Variants in SMIM26 observed in about 807,000 individuals in gnomAD.
The protein encoded by SMIM26 is small integral membrane protein 26, also known as long intergenic non-protein coding RNA 493.
In SMIM26, 2 loss-of-function variants were observed where a neutral mutation model predicts 2.5. The observed-to-expected ratio is 0.80, with a 90% CI of 0.33 to 2.53. The LOEUF (loss-of-function observed/expected upper bound fraction) is 2.53, where lower values mean the gene tolerates loss of function less well. Ranked by LOEUF, SMIM26 falls within the 30% of genes most tolerant of loss-of-function variation. The pLI is 0.11. For synonymous variants in SMIM26, 32 were observed against 17.8 expected, an observed-to-expected ratio of 1.80 and a Z score of -2.01; for missense variants, 77 against 46.1, an observed-to-expected ratio of 1.67 and a Z score of -1.94.
chr20:18,567,502 C>G lies in SMIM26; in HGVS notation c.24C>G (p.Ala8=). 1 of 703,106 alleles carries G rather than the reference C, an allele frequency of 1.4e-6. No homozygotes were observed. Among genetic ancestry groups the G allele is most frequent in the African/African-American group, 1.7e-5 (1 of 57,404 alleles). 43.6% of individuals were successfully genotyped at this position (703,106 alleles called of 1,614,324 possible). A position where few individuals can be genotyped will look rare whatever the true frequency, so the allele number is the denominator to read the frequency against. Residue 8 remains alanine, a synonymous_variant, in exon 1 of 2, where the codon GCC becomes GCG. Transcript: ENST00000411646. Reference sequence around the variant, plus strand: ...CCATGTATCGAAATGAGTTCACGGCCTGGTACCGGCGGATGTCGGTGGTCT... The same window carrying G: ...CCATGTATCGAAATGAGTTCACGGCGTGGTACCGGCGGATGTCGGTGGTCT... MYRNEFT[A]WYRRMSVVYG... is the part of the protein sequence containing the mutation.
rs1936157369 is a variant in SMIM26, at chr20:18,569,391, G to T, written c.274G>T (p.Gly92Cys). 2.8e-6 allele frequency: 2 copies of T among 702,728 alleles called. No individual in the cohort carries two copies. Among genetic ancestry groups the T allele is most frequent in the Non-Finnish European group, 5.2e-6 (2 of 384,954 alleles). The allele number at this position is 702,728 out of a possible 1,614,324, so 43.5% of individuals were successfully genotyped here. The change falls in exon 2 of 2, where the codon GGT (glycine) becomes TGT (cysteine). Residue 92 changes from glycine to cysteine, a missense_variant. Transcript: ENST00000411646. ...TTGGAAATCATGGACTGGTGGCCCTGGTACAGAACCATGACTGGCTGCTGA... is the reference window on the plus strand; with the variant it reads ...TTGGAAATCATGGACTGGTGGCCCTTGTACAGAACCATGACTGGCTGCTGA... ...NYWKSWTGGP[G>C]TEP
At chr20:18,568,594 T>C (rs1177646376) in intron 1 of SMIM26, 2 of 151,714 alleles carry the variant, frequency 1.3e-5, no homozygotes, top group African/African-American at 4.8e-5. Context: ...TCCATATTTA[T>C]GTTTTCTTTC....
rs1278384695 is a variant in SMIM26, at chr20:18,569,278, T to C, written c.161T>C (p.Leu54Pro). Residue 54 changes from leucine to proline, a missense_variant, in exon 2 of 2, where the codon CTC becomes CCC. Physicochemically the swap from Leu to Pro is moderately conservative, Grantham distance 98. Transcript: ENST00000411646. ...TCAGCAAGTGAAGTACCCAGTGAACTCTCTGAACGCCCAAAAGGATTTTAT... is the reference window on the plus strand; with the variant it reads ...TCAGCAAGTGAAGTACCCAGTGAACCCTCTGAACGCCCAAAAGGATTTTAT... ...DGSASEVPSE[L>P]SERPKGFYVE... 1.9e-5 allele frequency: 13 copies of C among 702,618 alleles called. No individual in the cohort carries two copies. The highest frequency in any genetic ancestry group is 3.1e-5 in the Non-Finnish European group (12 of 384,954). The allele number at this position is 702,618 out of a possible 1,614,324, so 43.5% of individuals were successfully genotyped here. A position where few individuals can be genotyped will look rare whatever the true frequency, so the allele number is the denominator to read the frequency against.
intron 1 of SMIM26, 69 bp downstream of exon 1, chr20:18,567,665 A>T (rs946888502): frequency 3.3e-5 from 23 of 694,786 alleles, no homozygotes; most frequent in Admixed American, 1.6e-4. Context: ...GGGGTCATGG[A>T]AACAACTTCC....
rs2060523838 is a variant in SMIM26 at position 18,569,216 on chromosome 20, T to TC, written c.119-20_119-19insC. On this transcript the variant is annotated intron_variant, in intron 1 of 1. Transcript: ENST00000411646. ...TAATTCAGGTGTTCTTTTTTTTTTT[T>TC]TCTCTTAATGGTGATAAAGTAGACC... 1 of 644,162 alleles carries TC rather than the reference T, an allele frequency of 1.6e-6. No individual in the cohort carries two copies. Among genetic ancestry groups the TC allele is most frequent in the East Asian group, 2.7e-5 (1 of 36,782 alleles). 39.9% of individuals were successfully genotyped at this position (644,162 alleles called of 1,614,324 possible). A position where few individuals can be genotyped will look rare whatever the true frequency, so the allele number is the denominator to read the frequency against.
intron 1 of SMIM26, 93 bp from the exon 2 acceptor site, chr20:18,569,143 C>T (rs2060523581): frequency 1.7e-6 from 1 of 604,488 alleles, no homozygotes; most frequent in Non-Finnish European, 2.9e-6. Context: ...GGATGTAATT[C>T]TTACCTTAGT....
chr20:18,569,330 A>T lies in SMIM26; in HGVS notation c.213A>T (p.Glu71Asp). ...TGGAAACAGTTGTCACATATAAAGA[A>T]GATTTTGTTCCAAATACAGAAAAGA... The part of the protein sequence containing the change: ...FYVETVVTYK[E>D]DFVPNTEKIL... Residue 71 changes from glutamate (E) to aspartate (D), a missense_variant, in exon 2 of 2, where the codon GAA becomes GAT. Physicochemically the swap from Glu to Asp is conservative, Grantham distance 45. Transcript: ENST00000411646. 1 of 702,962 alleles carries T rather than the reference A, an allele frequency of 1.4e-6. No individual in the cohort carries two copies. 43.5% of individuals were successfully genotyped at this position (702,962 alleles called of 1,614,324 possible). A position where few individuals can be genotyped will look rare whatever the true frequency, so the allele number is the denominator to read the frequency against.
chr20:18,567,436 C>T lies in SMIM26; in HGVS notation c.-43C>T. 2 of 702,348 alleles carry T rather than the reference C, an allele frequency of 2.8e-6. No homozygotes were observed. The highest frequency in any genetic ancestry group is 1.5e-5 in the South Asian group (1 of 67,566). 43.5% of individuals were successfully genotyped at this position (702,348 alleles called of 1,614,324 possible). A position where few individuals can be genotyped will look rare whatever the true frequency, so the allele number is the denominator to read the frequency against. On this transcript the variant is annotated 5_prime_UTR_variant, in exon 1 of 2. Coordinates refer to ENST00000411646, the MANE Select transcript of SMIM26 (RefSeq NM_001348957.2). Reference sequence around the variant, plus strand: ...GACGCCCTCACCGGAAGTCCCGCCTCTGCCGTGGGCCTGCGAGAATCGAGG... The same window carrying T: ...GACGCCCTCACCGGAAGTCCCGCCTTTGCCGTGGGCCTGCGAGAATCGAGG...
chr20:18,568,269 T>G (rs2060521131), intron 1 of SMIM26, among the ~76,000 whole-genome samples: 1 of 152,252 alleles, frequency 6.6e-6, no homozygotes, highest in Non-Finnish European at 1.5e-5. Flanking sequence ...AAAGTTGTTG[T>G]GTAAAAACTA....
At position 18,569,222 on chromosome 20, in the gene SMIM26, T is replaced by A. The variant is rs1568632478; in HGVS notation, c.119-14T>A. The stretch of plus-strand genomic sequence containing the variant: ...AGGTGTTCTTTTTTTTTTTTTCTCT[T>A]AATGGTGATAAAGTAGACCAAAAGG... On this transcript the variant is annotated splice_polypyrimidine_tract_variant and intron_variant, in intron 1 of 1. Coordinates refer to ENST00000411646, the MANE Select transcript of SMIM26 (RefSeq NM_001348957.2). 2 of 666,764 alleles carry A rather than the reference T, an allele frequency of 3.0e-6. No individual in the cohort carries two copies. The highest frequency in any genetic ancestry group is 5.4e-6 in the Non-Finnish European group (2 of 372,176). The allele number at this position is 666,764 out of a possible 1,614,324, so 41.3% of individuals were successfully genotyped here.
Position 18,567,514 on chromosome 20 carries a change from G to A in SMIM26, c.36G>A (p.Arg12=). The change falls in exon 1 of 2, where the codon CGG becomes CGA. Residue 12 remains arginine, a synonymous_variant. Coordinates refer to ENST00000411646, the MANE Select transcript of SMIM26 (RefSeq NM_001348957.2). ...ATGAGTTCACGGCCTGGTACCGGCG[G>A]ATGTCGGTGGTCTACGGGATCGGCA... ...YRNEFTAWYR[R]MSVVYGIGTW... 1.4e-6 allele frequency: 1 copy of A among 703,086 alleles called. No individual in the cohort carries two copies. The highest frequency in any genetic ancestry group is 2.6e-6 in the Non-Finnish European group (1 of 385,018). 43.6% of individuals were successfully genotyped at this position (703,086 alleles called of 1,614,324 possible). A position where few individuals can be genotyped will look rare whatever the true frequency, so the allele number is the denominator to read the frequency against.
At position 18,569,412 on chromosome 20, in the gene SMIM26, G is replaced by A. The variant is rs1237968881; in HGVS notation, c.*7G>A. ...CCCTGGTACAGAACCATGACTGGCT[G>A]CTGAATTCTGAAAACCAGGACTTGG... On this transcript the variant is annotated 3_prime_UTR_variant, in exon 2 of 2. Coordinates refer to ENST00000411646, the MANE Select transcript of SMIM26 (RefSeq NM_001348957.2). 2.8e-6 allele frequency: 2 copies of A among 702,712 alleles called. No homozygotes were observed. Among genetic ancestry groups the A allele is most frequent in the African/African-American group, 1.7e-5 (1 of 57,216 alleles). 43.5% of individuals were successfully genotyped at this position (702,712 alleles called of 1,614,324 possible).
Position 18,567,485 on chromosome 20 carries a change from C to A in SMIM26, c.7C>A (p.Arg3=), listed in dbSNP as rs1239752702. MY[R]NEFTAWYRRM... ...GGCACTCGCTGGCGTACCCATGTAT[C>A]GAAATGAGTTCACGGCCTGGTACCG... is the stretch of plus-strand genomic sequence containing the variant. Residue 3 remains arginine, a synonymous_variant, in exon 1 of 2, where the codon CGA becomes AGA. Coordinates refer to ENST00000411646, the MANE Select transcript of SMIM26 (RefSeq NM_001348957.2). The A allele has an allele frequency of 2.8e-6, 2 of 703,044 alleles. No individual in the cohort carries two copies. Among genetic ancestry groups the A allele is most frequent in the Admixed American group, 4.0e-5 (2 of 50,018 alleles). 43.6% of individuals were successfully genotyped at this position (703,044 alleles called of 1,614,324 possible).
In SMIM26 at chr20:18,569,277, C is replaced by T. The variant is rs6112031; in HGVS notation, c.160C>T (p.Leu54Phe). Residue 54 changes from leucine (L) to phenylalanine (F), a missense_variant, in exon 2 of 2, where the codon CTC (leucine) becomes TTC (phenylalanine). By Grantham distance (22) the Leu-to-Phe change is conservative (BLOSUM62 0). Coordinates refer to ENST00000411646, the MANE Select transcript of SMIM26 (RefSeq NM_001348957.2). The part of the protein sequence containing the change: ...DGSASEVPSE[L>F]SERPKGFYVE... ...CTCAGCAAGTGAAGTACCCAGTGAA[C>T]TCTCTGAACGCCCAAAAGGATTTTA... 7.4e-3 allele frequency: 5,192 copies of T among 701,836 alleles called. 166 individuals carry two copies. The African/African-American group carries it at 0.076, about 10-fold the overall frequency. 43.5% of individuals were successfully genotyped at this position (701,836 alleles called of 1,614,324 possible). A position where few individuals can be genotyped will look rare whatever the true frequency, so the allele number is the denominator to read the frequency against.
rs1568632523 is a variant in SMIM26, at chr20:18,569,311, C to T, written c.194C>T (p.Thr65Ile). 5 of 702,384 alleles carry T rather than the reference C, an allele frequency of 7.1e-6. No homozygotes were observed. The highest frequency in any genetic ancestry group is 1.7e-5 in the African/African-American group (1 of 57,146). 43.5% of individuals were successfully genotyped at this position (702,384 alleles called of 1,614,324 possible). ...SERPKGFYVE[T>I]VVTYKEDFVP... is the part of the protein sequence containing the mutation. ...CGCCCAAAAGGATTTTATGTGGAAA[C>T]AGTTGTCACATATAAAGAAGATTTT... is the stretch of plus-strand genomic sequence containing the variant. The change falls in exon 2 of 2, where the codon ACA becomes ATA. Residue 65 changes from threonine to isoleucine, a missense_variant. Transcript: ENST00000411646.
rs918514800 is a variant in SMIM26, at chr20:18,567,535, C to G, written c.57C>G (p.Ile19Met). The change falls in exon 1 of 2, where the codon ATC becomes ATG. Residue 19 changes from isoleucine to methionine, a missense_variant. Transcript: ENST00000411646. ...WYRRMSVVYG[I>M]GTWSVLGSLL... ...GGCGGATGTCGGTGGTCTACGGGATCGGCACCTGGTCTGTGTTGGGCTCAC... is the reference window on the plus strand; with the variant it reads ...GGCGGATGTCGGTGGTCTACGGGATGGGCACCTGGTCTGTGTTGGGCTCAC... 1.4e-6 allele frequency: 1 copy of G among 702,946 alleles called. No individual in the cohort carries two copies. The highest frequency in any genetic ancestry group is 2.6e-6 in the Non-Finnish European group (1 of 384,990). 43.5% of individuals were successfully genotyped at this position (702,946 alleles called of 1,614,324 possible).
Position 18,569,216 on chromosome 20 carries a change from T to C in SMIM26, c.119-20T>C, listed in dbSNP as rs899904448. On this transcript the variant is annotated intron_variant, in intron 1 of 1. Transcript: ENST00000411646. ...TAATTCAGGTGTTCTTTTTTTTTTT[T>C]TCTCTTAATGGTGATAAAGTAGACC... The C allele has an allele frequency of 1.6e-5, 10 of 644,046 alleles. 1 individual carries two copies. Among genetic ancestry groups the C allele is most frequent in the South Asian group, 5.1e-5 (3 of 58,354 alleles). The allele number at this position is 644,046 out of a possible 1,614,324, so 39.9% of individuals were successfully genotyped here.
intron 1 of SMIM26, among the ~76,000 whole-genome samples, chr20:18,568,132 G>A (rs1008051770): frequency 1.3e-5 from 2 of 152,234 alleles, no homozygotes; most frequent in Non-Finnish European, 2.9e-5. Flanking sequence ...CAAAGGTATG[G>A]ATTCCTTTTG....
rs1386028288 is a variant in SMIM26 at position 18,569,431 on chromosome 20, G to A, written c.*26G>A. ...CTGGCTGCTGAATTCTGAAAACCAG[G>A]ACTTGGTTCAACATTTAAATTTGAT... On this transcript the variant is annotated 3_prime_UTR_variant, in exon 2 of 2. Transcript: ENST00000411646. 1.4e-6 allele frequency: 1 copy of A among 702,802 alleles called. No individual in the cohort carries two copies. The highest frequency in any genetic ancestry group is 1.5e-5 in the South Asian group (1 of 67,592). 43.5% of individuals were successfully genotyped at this position (702,802 alleles called of 1,614,324 possible). A position where few individuals can be genotyped will look rare whatever the true frequency, so the allele number is the denominator to read the frequency against.
Sources: gnomAD v4.1 joint callset for allele counts (sites outside exome capture counted in the v4.1 genomes callset) on GRCh38, gnomAD v4.1.1 for gene constraint, MANE v1.5 for transcripts, NCBI Gene and HGNC (gene_info 2026-07-23, HGNC 2026-07-21) for gene names.